The following MUC5B variants were observed in gnomAD, a reference collection of about 807,000 sequenced individuals.
The protein encoded by MUC5B is mucin-5B.
A neutral mutation model predicts 376.9 loss-of-function variants in MUC5B; 116 were observed. The ratio of observed to expected loss-of-function variants is 0.31; its 90% CI spans 0.26 to 0.36. The LOEUF (loss-of-function observed/expected upper bound fraction) is 0.36. Among genes scored for constraint, MUC5B ranks in the 10% least tolerant of loss-of-function variants. MUC5B has a pLI of 1.00. For missense variants in MUC5B, 7,165 were observed against 7,769.9 expected, an observed-to-expected ratio of 0.92 and a Z score of 2.93; for synonymous variants, 3,517 against 3,390.9, an observed-to-expected ratio of 1.04 and a Z score of -1.29.
rs1862041549 is a variant in MUC5B at position 1,232,126 on chromosome 11, C to T, written c.1809C>T (p.Ser603=). The change falls in exon 15 of 49, where the codon AGC becomes AGT. Residue 603 remains serine (S), a synonymous_variant. Coordinates refer to ENST00000529681, the MANE Select transcript of MUC5B (RefSeq NM_002458.3). ...AQAACANARN[S]FEDPCSLSVE... ...CTGCCTGTGCCAATGCCAGGAACAG[C>T]TTTGAGGACCCCTGCTCCCTCAGTG... is the stretch of plus-strand genomic sequence containing the variant. The T allele has an allele frequency of 6.2e-7, 1 of 1,611,708 alleles. No homozygotes were observed. The highest frequency in any genetic ancestry group is 1.7e-5 in the Admixed American group (1 of 59,872).
chr11:1,247,466 C>G lies in MUC5B; in HGVS notation c.10586C>G (p.Thr3529Ser), dbSNP rs1862523350. Residue 3529 changes from threonine (T) to serine (S), a missense_variant, in exon 31 of 49, where the codon ACC (threonine) becomes AGC (serine). Transcript: ENST00000529681. ...TCACCCCCTTCTCCAGGGACGACCA[C>G]CCCGGGCCACACCAGGGGCACCTCC... ...TESPPSPGTT[T>S]PGHTRGTSRT... The G allele has an allele frequency of 3.7e-6, 6 of 1,609,176 alleles. No homozygotes were observed. The highest frequency in any genetic ancestry group is 5.1e-6 in the Non-Finnish European group (6 of 1,178,460).
At position 1,255,179 on chromosome 11, in the gene MUC5B, C is replaced by G. The variant is rs1282872464; in HGVS notation, c.15803C>G (p.Pro5268Arg). ...DGCWAPTGTP[P>R]TASPAAPVSS... The stretch of plus-strand genomic sequence containing the variant: ...TGCTGGGCCCCGACTGGCACACCCC[C>G]CACTGCCAGCCCCGCAGCCCCGGTG... The change falls in exon 36 of 49, where the codon CCC becomes CGC. Residue 5268 changes from proline to arginine, a missense_variant. By Grantham distance (103) the Pro-to-Arg change is moderately radical. Around this residue, in one of 31 missense-constraint regions of MUC5B, gnomAD observed 842 missense variants for 1,016.9 expected, o/e 0.83. Coordinates refer to ENST00000529681, the MANE Select transcript of MUC5B (RefSeq NM_002458.3). 6.4e-7 allele frequency: 1 copy of G among 1,554,882 alleles called. No homozygotes were observed. The highest frequency in any genetic ancestry group is 8.7e-7 in the Non-Finnish European group (1 of 1,149,682).
At chr11:1,228,287 C>T (rs1861935352) in intron 7 of MUC5B, among the ~76,000 whole-genome samples, 1 of 152,216 alleles carries the variant, frequency 6.6e-6, no homozygotes. Flanking sequence ...ACCTCCCCTC[C>T]TTGGCTCCGC....
In MUC5B at chr11:1,243,284, C is replaced by T; in HGVS notation, c.6404C>T (p.Thr2135Ile). ...QTSGTPPSLT[T>I]TATTITATGS... Reference sequence around the variant, plus strand: ...AGTGGTACTCCCCCATCACTGACCACCACGGCCACTACGATCACGGCCACC... The same window carrying T: ...AGTGGTACTCCCCCATCACTGACCATCACGGCCACTACGATCACGGCCACC... Residue 2135 changes from threonine (T) to isoleucine (I), a missense_variant, in exon 31 of 49, where the codon ACC becomes ATC. Thr to Ile is a moderately conservative substitution (Grantham distance 89). This residue lies in a region of MUC5B where 897 missense variants were observed against 779.6 expected (regional missense o/e 1.15). Coordinates refer to ENST00000529681, the MANE Select transcript of MUC5B (RefSeq NM_002458.3). 1 of 1,556,186 alleles carries T rather than the reference C, an allele frequency of 6.4e-7. No homozygotes were observed. The highest frequency in any genetic ancestry group is 8.7e-7 in the Non-Finnish European group (1 of 1,149,830).
chr11:1,233,113 C>T lies in MUC5B; in HGVS notation c.2166C>T (p.Cys722=). ...GCCTGAGTGAGGCCGACGTCACCTGCAGCGTTTCCTTCGTGCCTGTGGACG... is the reference window on the plus strand; with the variant it reads ...GCCTGAGTGAGGCCGACGTCACCTGTAGCGTTTCCTTCGTGCCTGTGGACG... ...CRGLSEADVT[C]SVSFVPVDGC... Residue 722 remains cysteine (C), a synonymous_variant, in exon 18 of 49, where the codon TGC becomes TGT. Coordinates refer to ENST00000529681, the MANE Select transcript of MUC5B (RefSeq NM_002458.3). 1 of 1,607,980 alleles carries T rather than the reference C, an allele frequency of 6.2e-7. No homozygotes were observed.
Position 1,249,994 on chromosome 11 carries a change from A to G in MUC5B, c.13114A>G (p.Thr4372Ala). Residue 4372 changes from threonine (T) to alanine (A), a missense_variant, in exon 31 of 49, where the codon ACG (threonine) becomes GCG (alanine). Coordinates refer to ENST00000529681, the MANE Select transcript of MUC5B (RefSeq NM_002458.3). ...CACAGTGCTGACCACGAAGGCCACC[A>G]CGACAAGGGCCACCAGTTCCACGTC... ...TSTVLTTKAT[T>A]TRATSSTSTP... The G allele has an allele frequency of 6.2e-7, 1 of 1,611,182 alleles. No homozygotes were observed. Among genetic ancestry groups the G allele is most frequent in the Middle Eastern group, 1.7e-4 (1 of 6,054 alleles).
In MUC5B at chr11:1,246,410, C is replaced by G. The variant is rs200012359; in HGVS notation, c.9530C>G (p.Thr3177Ser). ...PSTTATVTVP[T>S]GSTATASSTR... ...ACTACAGCCACCGTGACGGTGCCCACCGGATCCACGGCCACCGCCTCCTCC... is the reference window on the plus strand; with the variant it reads ...ACTACAGCCACCGTGACGGTGCCCAGCGGATCCACGGCCACCGCCTCCTCC... Residue 3177 changes from threonine to serine, a missense_variant, in exon 31 of 49, where the codon ACC (threonine) becomes AGC (serine). Physicochemically the swap from Thr to Ser is moderately conservative, Grantham distance 58 (BLOSUM62 1). Around this residue, in one of 31 missense-constraint regions of MUC5B, gnomAD observed 939 missense variants for 770.6 expected, o/e 1.22. Transcript: ENST00000529681. 0.023 allele frequency: 37,469 copies of G among 1,595,636 alleles called. 2 individuals are homozygous for G. Among genetic ancestry groups the G allele is most frequent in the Non-Finnish European group, 0.025 (29,256 of 1,163,624 alleles).
chr11:1,249,083 G>T lies in MUC5B; in HGVS notation c.12203G>T (p.Ser4068Ile), dbSNP rs1862589673. Residue 4068 changes from serine (S) to isoleucine (I), a missense_variant, in exon 31 of 49, where the codon AGC becomes ATC. This residue lies in a region of MUC5B where 85 missense variants were observed against 78.2 expected (regional missense o/e 1.09). Transcript: ENST00000529681. ...CAGCACTCGACTCCAGCCCTGTCCA[G>T]CCCTCACCCTAGCAGCAGGACCACC... ...TTQHSTPALS[S>I]PHPSSRTTES... The T allele has an allele frequency of 1.2e-6, 2 of 1,609,132 alleles. No homozygotes were observed. The highest frequency in any genetic ancestry group is 8.5e-7 in the Non-Finnish European group (1 of 1,179,108).
At chr11:1,260,441 C>A in intron 47 of MUC5B, 48 bp downstream of exon 47, 1 of 1,601,624 alleles carries the variant, frequency 6.2e-7, no homozygotes, top group Non-Finnish European at 8.5e-7. Context: ...TCCAGCCCGT[C>A]GCCACCCATC....
In MUC5B at chr11:1,249,182, C is replaced by A; in HGVS notation, c.12302C>A (p.Thr4101Lys). 6.2e-7 allele frequency: 1 copy of A among 1,611,566 alleles called. No individual in the cohort carries two copies. The highest frequency in any genetic ancestry group is 8.5e-7 in the Non-Finnish European group (1 of 1,179,572). The change falls in exon 31 of 49, where the codon ACA (threonine) becomes AAA (lysine). Residue 4101 changes from threonine to lysine, a missense_variant. Around this residue, in one of 31 missense-constraint regions of MUC5B, gnomAD observed 85 missense variants for 78.2 expected, o/e 1.09. Transcript: ENST00000529681. ...ACCTCCAGGACCACGGCCACGGCCA[C>A]ACCCAGCAAGACCCGCACCTCGACC... Reference protein sequence around the residue: ...TATSRTTATATPSKTRTSTLL... With the variant: ...TATSRTTATAKPSKTRTSTLL...
Position 1,254,899 on chromosome 11 carries a change from C to G in MUC5B, c.15664+19C>G. The G allele has an allele frequency of 6.2e-7, 1 of 1,603,790 alleles. No individual in the cohort carries two copies. Among genetic ancestry groups the G allele is most frequent in the Non-Finnish European group, 8.5e-7 (1 of 1,176,624 alleles). On this transcript the variant is annotated intron_variant, in intron 35 of 48. Coordinates refer to ENST00000529681, the MANE Select transcript of MUC5B (RefSeq NM_002458.3). ...CAGTGCGGTGAGTGGGCGGCGGGTC[C>G]TGCCCCGGCCAGGGCTGCTGCTGGG...
intron 27 of MUC5B, 70 bp from the exon 28 acceptor site, chr11:1,239,729 C>G: frequency 6.5e-7 from 1 of 1,528,038 alleles, no homozygotes. Flanking sequence ...CTACTCCCTG[C>G]AGCATGGAGC....
rs201419707 is a variant in MUC5B, at chr11:1,246,867, G to A, written c.9987G>A (p.Thr3329=). The A allele has an allele frequency of 2.7e-5, 44 of 1,602,358 alleles. No homozygotes were observed. The highest frequency in any genetic ancestry group is 1.9e-4 in the Middle Eastern group (1 of 5,344). ...CCTCCAGCCCAGGGACGGCACTCACGCCTCCAGTGTGGATCAGCACAACCA... is the reference window on the plus strand; with the variant it reads ...CCTCCAGCCCAGGGACGGCACTCACACCTCCAGTGTGGATCAGCACAACCA... ...TPSSSPGTAL[T]PPVWISTTTT... is the part of the protein sequence containing the mutation. The change falls in exon 31 of 49, where the codon ACG becomes ACA. Residue 3329 remains threonine, a synonymous_variant. Transcript: ENST00000529681.
Position 1,226,248 on chromosome 11 carries a change from A to G in MUC5B, c.171A>G (p.Pro57=), listed in dbSNP as rs781769104. ...CCACCCGGCGCGTGAGCTTTGTTCC[A>G]CCCGTCACTGTCTTCCCCAGCCTGA... is the stretch of plus-strand genomic sequence containing the variant. ...SSPTRRVSFV[P]PVTVFPSLSP... is the part of the protein sequence containing the mutation. The change falls in exon 3 of 49, where the codon CCA becomes CCG. Residue 57 remains proline, a synonymous_variant. Coordinates refer to ENST00000529681, the MANE Select transcript of MUC5B (RefSeq NM_002458.3). The G allele has an allele frequency of 2.6e-6, 4 of 1,554,976 alleles. No individual in the cohort carries two copies. Among genetic ancestry groups the G allele is most frequent in the Non-Finnish European group, 3.5e-6 (4 of 1,151,436 alleles).
Position 1,242,661 on chromosome 11 carries a change from C to A in MUC5B, c.5781C>A (p.Thr1927=), listed in dbSNP as rs1312866920. 1.2e-6 allele frequency: 2 copies of A among 1,613,738 alleles called. No individual in the cohort carries two copies. Among genetic ancestry groups the A allele is most frequent in the East Asian group, 2.2e-5 (1 of 44,878 alleles). Reference sequence around the variant, plus strand: ...CCACTGGATCCACGGCCACCCCGACCTCCACCCTGAGAACAGCTCCCCCTC... The same window carrying A: ...CCACTGGATCCACGGCCACCCCGACATCCACCCTGAGAACAGCTCCCCCTC... ...TASTGSTATP[T]STLRTAPPPK... is the part of the protein sequence containing the mutation. Residue 1927 remains threonine (T), a synonymous_variant, in exon 31 of 49, where the codon ACC becomes ACA. Transcript: ENST00000529681.
At chr11:1,226,587 G>A in intron 3 of MUC5B, 28 bp from the exon 4 acceptor site, 1 of 1,593,522 alleles carries the variant, frequency 6.3e-7, no homozygotes, top group Non-Finnish European at 8.5e-7. Flanking sequence ...CTGGCATGGG[G>A]ATGGGCCTCA....
rs767697099 is a variant in MUC5B, at chr11:1,239,890, A to C, written c.3675A>C (p.Gly1225=). ...VAQCGCYDKD[G]NYYDVGARVP... The stretch of plus-strand genomic sequence containing the variant: ...AGTGTGGCTGCTACGACAAGGACGG[A>C]AACTACTATGACGTCGGTGCAAGGG... The change falls in exon 28 of 49, where the codon GGA becomes GGC. Residue 1225 remains glycine, a synonymous_variant. Coordinates refer to ENST00000529681, the MANE Select transcript of MUC5B (RefSeq NM_002458.3). 6.2e-7 allele frequency: 1 copy of C among 1,613,390 alleles called. No homozygotes were observed. The highest frequency in any genetic ancestry group is 8.5e-7 in the Non-Finnish European group (1 of 1,179,734).
At chr11:1,228,537 C>A in intron 7 of MUC5B, 27 bp from the exon 8 acceptor site, 3 of 1,490,522 alleles carry the variant, frequency 2.0e-6, no homozygotes, top group Non-Finnish European at 2.7e-6. Context: ...GGCAGGGGTG[C>A]CCAGCCTGGC....
chr11:1,244,633 A>G lies in MUC5B; in HGVS notation c.7753A>G (p.Thr2585Ala). Residue 2585 changes from threonine to alanine, a missense_variant, in exon 31 of 49, where the codon ACC becomes GCC. Around this residue, in one of 31 missense-constraint regions of MUC5B, gnomAD observed 194 missense variants for 268.5 expected, o/e 0.72. Transcript: ENST00000529681. ...CTCCACAGTGCTTACCACCACGGCC[A>G]CCACAACCGGGGCCACCGGCTCTGT... ...HTSTVLTTTA[T>A]TTGATGSVAT... is the part of the protein sequence containing the mutation. 6.2e-7 allele frequency: 1 copy of G among 1,613,578 alleles called. No homozygotes were observed. Among genetic ancestry groups the G allele is most frequent in the Non-Finnish European group, 8.5e-7 (1 of 1,179,774 alleles).
Sources: gnomAD v4.1 joint callset for allele counts (sites outside exome capture counted in the v4.1 genomes callset) on GRCh38, gnomAD v4.1.1 for gene constraint, gnomAD v4.1.1 regional missense constraint, MANE v1.5 for transcripts, NCBI Gene and HGNC (gene_info 2026-07-23, HGNC 2026-07-21) for gene names.